Variants in CSMD1 observed in about 807,000 individuals in gnomAD.
The protein encoded by CSMD1 is CUB and sushi domain-containing protein 1.
Under a neutral mutation model 417.5 loss-of-function variants are expected in CSMD1, and 213 were observed. That is an observed-to-expected ratio of 0.51 (90% CI 0.46 to 0.57). CSMD1 has a LOEUF of 0.57. CSMD1 is among the 20% of genes least tolerant of loss of function. CSMD1 has a pLI of 0.00. For synonymous variants in CSMD1, 2,862 were observed against 1,736.8 expected, an observed-to-expected ratio of 1.65 and a Z score of -16.11; for missense variants, 6,923 against 4,529.7, an observed-to-expected ratio of 1.53 and a Z score of -15.17.
chr8:3,659,333 T>G (rs887216226), intron 7 of CSMD1, among the ~76,000 whole-genome samples: 1 of 152,156 alleles, frequency 6.6e-6, no homozygotes, highest in Admixed American at 6.5e-5. Context: ...AGAAACAAAT[T>G]TTCATTTTGC....
At chr8:3,898,761 T>A (rs903349511) in intron 5 of CSMD1, among the ~76,000 whole-genome samples, 2 of 152,194 alleles carry the variant, frequency 1.3e-5, no homozygotes, top group African/African-American at 2.4e-5. Flanking sequence ...CCACTGTATA[T>A]ATATTTGAGG....
chr8:3,961,703 G>A lies in CSMD1; in HGVS notation c.818+36200C>T, dbSNP rs770987729. On this transcript the variant is annotated intron_variant, in intron 5 of 69. Coordinates refer to ENST00000635120, the MANE Select transcript of CSMD1 (RefSeq NM_033225.6). ...GCAAACTTCAAAAAAGAAAAAGATT[G>A]CTGCGATACTCATGGGAGCATTTCC... Among the ~76,000 whole-genome samples, 5 of 152,150 alleles carry A rather than the reference G, an allele frequency of 3.3e-5. No individual in the cohort carries two copies. In the South Asian group the frequency reaches 6.2e-4, roughly 19 times the overall value.
chr8:4,703,290 G>A (rs979727248), intron 1 of CSMD1, among the ~76,000 whole-genome samples: 19 of 152,160 alleles, frequency 1.2e-4, no homozygotes, highest in African/African-American at 4.8e-5. Context: ...AGGGAGTGTA[G>A]ATAATCAGAA....
intron 5 of CSMD1, among the ~76,000 whole-genome samples, chr8:3,858,308 A>G (rs954878936): frequency 4.6e-5 from 7 of 152,218 alleles, no homozygotes; most frequent in Admixed American, 1.3e-4. Context: ...TAATATGAAT[A>G]AAAACTTCAA....
chr8:4,818,316 A>G (rs1031750249), intron 1 of CSMD1, among the ~76,000 whole-genome samples: 2 of 152,214 alleles, frequency 1.3e-5, no homozygotes, highest in African/African-American at 2.4e-5. Flanking sequence ...CCAAAGCTAG[A>G]TTACAAAAGT....
chr8:3,694,197 G>A (rs553999264), intron 7 of CSMD1, among the ~76,000 whole-genome samples: 21 of 152,202 alleles, frequency 1.4e-4, no homozygotes, highest in African/African-American at 5.1e-4. Context: ...TGTGTCCATA[G>A]ATGGGGCAGG....
At chr8:4,290,620 T>C (rs1358511178) in intron 3 of CSMD1, among the ~76,000 whole-genome samples, 1 of 152,220 alleles carries the variant, frequency 6.6e-6, no homozygotes, top group Non-Finnish European at 1.5e-5. Context: ...AGATGCTGTA[T>C]TTAGGAAAGA....
chr8:3,240,513 G>A (rs11784514), intron 26 of CSMD1, among the ~76,000 whole-genome samples: 100,883 of 151,130 alleles, frequency 0.67, 34,023 homozygotes, highest in South Asian at 0.79. Context: ...TGAGAATTAC[G>A]CCGAGATAGG....
chr8:3,170,165 G>T, intron 37 of CSMD1, among the ~76,000 whole-genome samples: 1 of 152,152 alleles, frequency 6.6e-6, no homozygotes, highest in East Asian at 1.9e-4. Context: ...TCCTGTTTGA[G>T]TGCTCATTTT....
intron 29 of CSMD1, among the ~76,000 whole-genome samples, chr8:3,216,161 G>A (rs1310617002): frequency 6.6e-6 from 1 of 151,412 alleles, no homozygotes; most frequent in African/African-American, 2.4e-5. Flanking sequence ...CTCTCTAATT[G>A]CTTTGTTGAA....
intron 1 of CSMD1, among the ~76,000 whole-genome samples, chr8:4,991,785 G>T (rs1040554092): frequency 6.6e-6 from 1 of 152,328 alleles, no homozygotes; most frequent in African/African-American, 2.4e-5. Flanking sequence ...CGGCGACTCC[G>T]GCGCTGGCGT....
In CSMD1 at chr8:4,061,632, C is replaced by A. The variant is rs566438540; in HGVS notation, c.416-29533G>T. 2.6e-5 allele frequency among the ~76,000 whole-genome samples: 4 copies of A among 152,218 alleles called. No homozygotes were observed. In the East Asian group the frequency reaches 5.8e-4, roughly 22 times the overall value. On this transcript the variant is annotated intron_variant, in intron 3 of 69. Coordinates refer to ENST00000635120, the MANE Select transcript of CSMD1 (RefSeq NM_033225.6). ...GGACCTGTTTACCAGACAGATTCTGCAAGGGAGGATGGACTGTGTGGAAAG... is the reference window on the plus strand; with the variant it reads ...GGACCTGTTTACCAGACAGATTCTGAAAGGGAGGATGGACTGTGTGGAAAG...
At chr8:3,387,426 A>C (rs574301366) in intron 18 of CSMD1, 68 bp downstream of exon 18, 455 of 1,343,870 alleles carry the variant, frequency 3.4e-4, no homozygotes, top group Non-Finnish European at 4.4e-4. Context: ...CACACCACCC[A>C]GCTAGTTAGA....
chr8:4,490,971 C>G (rs959796253), intron 2 of CSMD1, among the ~76,000 whole-genome samples: 3 of 152,084 alleles, frequency 2.0e-5, no homozygotes, highest in African/African-American at 7.2e-5. Flanking sequence ...GTTATGTGAA[C>G]CACAGGGAGG....
intron 5 of CSMD1, among the ~76,000 whole-genome samples, chr8:3,948,459 C>T (rs954534416): frequency 6.6e-6 from 1 of 151,980 alleles, no homozygotes; most frequent in South Asian, 2.1e-4. Context: ...GAATGTGACC[C>T]TTCTTTGGCA....
chr8:3,308,076 A>C (rs960501242), intron 24 of CSMD1, among the ~76,000 whole-genome samples: 20 of 84,894 alleles, frequency 2.4e-4, no homozygotes, highest in African/African-American at 9.8e-4. Context: ...ATAATATGTG[A>C]TAATTCTAAT....
intron 3 of CSMD1, among the ~76,000 whole-genome samples, chr8:4,124,611 C>G (rs925727739): frequency 6.6e-6 from 1 of 152,102 alleles, no homozygotes; most frequent in Non-Finnish European, 1.5e-5. Flanking sequence ...GGCACCAGCA[C>G]GCACAGCCAG....
intron 12 of CSMD1, among the ~76,000 whole-genome samples, chr8:3,428,076 T>C (rs1485122832): frequency 1.3e-5 from 2 of 152,214 alleles, no homozygotes; most frequent in South Asian, 4.1e-4. Context: ...CTGAAGGTAA[T>C]TACAAAATAG....
At chr8:3,317,965 C>G (rs545088123) in intron 23 of CSMD1, among the ~76,000 whole-genome samples, 1 of 152,258 alleles carries the variant, frequency 6.6e-6, no homozygotes, top group Non-Finnish European at 1.5e-5. Flanking sequence ...TGTGGGCCAC[C>G]ATGCCCAGCT....
Sources: gnomAD v4.1 joint callset for allele counts (sites outside exome capture counted in the v4.1 genomes callset) on GRCh38, gnomAD v4.1.1 for gene constraint, MANE v1.5 for transcripts, NCBI Gene and HGNC (gene_info 2026-07-23, HGNC 2026-07-21) for gene names.